Variants in CHODL observed in about 807,000 individuals in gnomAD.
The protein encoded by CHODL is transmembrane protein MT75.
A neutral mutation model predicts 34.5 loss-of-function variants in CHODL; 29 were observed. The ratio of observed to expected loss-of-function variants is 0.84; its 90% CI spans 0.63 to 1.15. The LOEUF is 1.15. CHODL is among the 50% of genes most tolerant of loss of function. The probability of loss-of-function intolerance (pLI) is 0.00; values close to 1 mark genes in which losing one functional copy is unlikely to be tolerated. For missense variants in CHODL, 332 were observed against 332.5 expected (o/e 1.00, Z 0.01); for synonymous variants, 125 against 116.1 (o/e 1.08, Z -0.49).
Position 18,167,211 on chromosome 21 carries a change from C to CTCTGTGTGTG in CHODL, c.-44-89297_-44-89296insCTGTGTGTGT, listed in dbSNP as rs1287766265. Among the ~76,000 whole-genome samples the CTCTGTGTGTG allele has an allele frequency of 5.3e-4, 47 of 88,182 alleles. No homozygotes were observed. The South Asian group carries it at 9.5e-3, about 18-fold the overall frequency. The allele number at this position is 88,182 out of a possible 152,430, so 57.9% of individuals were successfully genotyped here. ...TTTCACCATTCCCATTTCTCTCTCT[C>CTCTGTGTGTG]TGTGTGTGTGTGTGTGTGTGTGTGT... is the stretch of plus-strand genomic sequence containing the variant. On this transcript the variant is annotated intron_variant, in intron 2 of 6. Coordinates refer to the CHODL transcript ENST00000400127.
intron 2 of CHODL, among the ~76,000 whole-genome samples, chr21:18,037,768 T>C (rs1165883104): frequency 1.3e-5 from 2 of 151,714 alleles, no homozygotes; most frequent in Non-Finnish European, 3.0e-5. Flanking sequence ...TTAGGGTATC[T>C]GACATAAACA....
chr21:18,265,213 GTATGTGTATATATA>G (rs1375949050), intron 5 of CHODL, among the ~76,000 whole-genome samples: 1 of 145,292 alleles, frequency 6.9e-6, no homozygotes, highest in Non-Finnish European at 1.5e-5. Context: ...ACACATATAT[GTATGTGTATATATA>G]TATGTGTGTA....
In CHODL at chr21:18,024,334, C is replaced by G. The variant is rs141036815; in HGVS notation, c.-144-3538C>G. 2.6e-5 allele frequency among the ~76,000 whole-genome samples: 4 copies of G among 152,126 alleles called. No individual in the cohort carries two copies. The East Asian group carries it at 7.7e-4, about 29-fold the overall frequency. ...TGTTATATCCTGGTATAGATAGACC[C>G]GTGGGCATAACAGTGATGGAGAAAA... On this transcript the variant is annotated intron_variant, in intron 1 of 6. Transcript: ENST00000400127.
intron 2 of CHODL, among the ~76,000 whole-genome samples, chr21:18,210,487 C>T (rs1414259957): frequency 6.6e-6 from 1 of 152,126 alleles, no homozygotes; most frequent in Non-Finnish European, 1.5e-5. Context: ...TATGAAGGTG[C>T]TTTTTTGTGT....
chr21:18,126,268 C>G (rs771043689), intron 2 of CHODL, among the ~76,000 whole-genome samples: 2 of 152,140 alleles, frequency 1.3e-5, no homozygotes, highest in Non-Finnish European at 2.9e-5. Context: ...TCTATGAAGG[C>G]TTAGATGATT....
chr21:18,066,062 A>G (rs1050077475), intron 2 of CHODL, among the ~76,000 whole-genome samples: 28 of 152,198 alleles, frequency 1.8e-4, no homozygotes, highest in Admixed American at 1.8e-3. Flanking sequence ...GGATTTTGGT[A>G]CTGGTTGCTG....
At chr21:18,180,302 A>G (rs1285314897) in intron 2 of CHODL, among the ~76,000 whole-genome samples, 3 of 152,036 alleles carry the variant, frequency 2.0e-5, no homozygotes, top group Non-Finnish European at 4.4e-5. Flanking sequence ...ACAGGCACGC[A>G]CCACCACATC....
In CHODL at chr21:18,131,954, A is replaced by C. The variant is rs533542657; in HGVS notation, c.-45+103983A>C. Among the ~76,000 whole-genome samples the C allele has an allele frequency of 4.1e-4, 63 of 152,260 alleles. 1 individual carries two copies. Among genetic ancestry groups the C allele is most frequent in the South Asian group, 2.5e-3 (12 of 4,828 alleles). On this transcript the variant is annotated intron_variant, in intron 2 of 6. Transcript: ENST00000400127. ...TAATTCTTTACCTTCCTATTCTGAA[A>C]ATAAGTTATGTAACTGATTTTACTT...
chr21:17,967,010 A>G (rs197526), intron 1 of CHODL, among the ~76,000 whole-genome samples: 94,127 of 151,210 alleles, frequency 0.62, 30,126 homozygotes, highest in East Asian at 0.79. Flanking sequence ...TCAGCCTCCC[A>G]AGTAGCTGGG....
intron 1 of CHODL, among the ~76,000 whole-genome samples, chr21:17,933,413 G>GT (rs1568804544): frequency 1.3e-5 from 2 of 152,158 alleles, no homozygotes; most frequent in African/African-American, 4.8e-5. Flanking sequence ...GAGTCCCTGG[G>GT]TACTTGAGAT....
chr21:17,923,306 T>A lies in CHODL; in HGVS notation c.-145+5906T>A, dbSNP rs79603521. Among the ~76,000 whole-genome samples, 1,088 of 152,072 alleles carry A rather than the reference T, an allele frequency of 7.2e-3. 85 individuals are homozygous for A. The East Asian group carries it at 0.17, about 23-fold the overall frequency. ...TTTTTTCCTGCCAAAGTCTGCATTA[T>A]CACCATAAATGCTGACAACTGCCCT... On this transcript the variant is annotated intron_variant, in intron 1 of 6. Transcript: ENST00000400127.
intron 2 of CHODL, among the ~76,000 whole-genome samples, chr21:18,222,372 G>A (rs573052111): frequency 1.3e-5 from 2 of 152,300 alleles, no homozygotes; most frequent in South Asian, 4.1e-4. Context: ...TTCAGGGCAG[G>A]ATGTAGTCTA....
At chr21:18,033,146 C>G (rs1005756411) in intron 2 of CHODL, among the ~76,000 whole-genome samples, 2 of 151,882 alleles carry the variant, frequency 1.3e-5, no homozygotes, top group Non-Finnish European at 2.9e-5. Flanking sequence ...GGATGATATA[C>G]CAATGGAGAC....
Position 17,920,232 on chromosome 21 carries a change from T to G in CHODL, c.-145+2832T>G, listed in dbSNP as rs139573008. On this transcript the variant is annotated intron_variant, in intron 1 of 6. Coordinates refer to the CHODL transcript ENST00000400127. ...TTACTGGTACCAATTTACTGTATTA[T>G]TCAGTTTTCATGCTTCTGATAAAGA... 7.9e-3 allele frequency among the ~76,000 whole-genome samples: 1,210 copies of G among 152,278 alleles called. 16 individuals are homozygous for G. The highest frequency in any genetic ancestry group is 0.027 in the African/African-American group (1,114 of 41,544).
intron 1 of CHODL, among the ~76,000 whole-genome samples, chr21:17,950,363 A>G (rs539870629): frequency 2.5e-4 from 38 of 152,214 alleles, no homozygotes; most frequent in African/African-American, 9.1e-4. Context: ...CCAAACTAGT[A>G]GTGCTTGAGA....
At position 18,179,632 on chromosome 21, in the gene CHODL, C is replaced by A. The variant is rs75076464; in HGVS notation, c.-44-76877C>A. Among the ~76,000 whole-genome samples, 809 of 152,232 alleles carry A rather than the reference C, an allele frequency of 5.3e-3. 15 individuals are homozygous for A. The highest frequency in any genetic ancestry group is 0.052 in the East Asian group (270 of 5,180). On this transcript the variant is annotated intron_variant, in intron 2 of 6. Transcript: ENST00000400127. ...CCTGTTCTTGTTGGTATGTAGGGAC[C>A]AATTATGTCTGATAATGACCTTTCT... is the stretch of plus-strand genomic sequence containing the variant.
intron 2 of CHODL, among the ~76,000 whole-genome samples, chr21:18,108,721 A>C (rs1601014177): frequency 6.6e-6 from 1 of 152,200 alleles, no homozygotes; most frequent in East Asian, 1.9e-4. Flanking sequence ...AGCCAGCTAG[A>C]TAATAGAAAA....
rs143704642 is a variant in CHODL at position 18,229,892 on chromosome 21, G to A, written c.-44-26617G>A. Among the ~76,000 whole-genome samples the A allele has an allele frequency of 2.0e-5, 3 of 152,214 alleles. No homozygotes were observed. In the East Asian group the frequency reaches 5.8e-4, roughly 29 times the overall value. On this transcript the variant is annotated intron_variant, in intron 2 of 6. Coordinates refer to the CHODL transcript ENST00000400127. Reference sequence around the variant, plus strand: ...AACACGAAAGGATAATCTTCGCAAAGAAGAAGTTTCCTGGTCACCTACATT... The same window carrying A: ...AACACGAAAGGATAATCTTCGCAAAAAAGAAGTTTCCTGGTCACCTACATT...
chr21:18,061,878 G>A (rs1232656758), intron 2 of CHODL, among the ~76,000 whole-genome samples: 1 of 146,102 alleles, frequency 6.8e-6, no homozygotes, highest in African/African-American at 2.8e-5. Flanking sequence ...AGCTGTGTAA[G>A]TGAGTTATCT....
Sources: gnomAD v4.1 joint callset for allele counts (sites outside exome capture counted in the v4.1 genomes callset) on GRCh38, gnomAD v4.1.1 for gene constraint, MANE v1.5 for transcripts, NCBI Gene and HGNC (gene_info 2026-07-23, HGNC 2026-07-21) for gene names.